The following REXO1 variants were observed in gnomAD, a reference collection of about 807,000 sequenced individuals.
The protein encoded by REXO1 is RNA exonuclease 1 homolog, also known as REX1, RNA exonuclease 1 homolog.
Under a neutral mutation model 102.6 loss-of-function variants are expected in REXO1, and 42 were observed. The observed-to-expected ratio is 0.41, with a 90% confidence interval of 0.32 to 0.53. The LOEUF (loss-of-function observed/expected upper bound fraction) is 0.53, where lower values mean the gene tolerates loss of function less well. REXO1 is among the 20% of genes least tolerant of loss of function. The pLI, the probability that REXO1 is intolerant of heterozygous loss-of-function variation, is 0.27. For synonymous variants in REXO1, 908 were observed against 779.1 expected, an observed-to-expected ratio of 1.17 and a Z score of -2.76; for missense variants, 1,819 against 1,732.5, an observed-to-expected ratio of 1.05 and a Z score of -0.89.
chr19:1,818,135 A>G lies in REXO1; in HGVS notation c.3016+347T>C, dbSNP rs78002934. ...TGCGTGGTTGCCTGGGGGATTGAAT[A>G]GAACCACCAGGCCAAGGGTGGGACA... On this transcript the variant is annotated intron_variant, in intron 10 of 15. Coordinates refer to ENST00000170168, the MANE Select transcript of REXO1 (RefSeq NM_020695.4). Among the ~76,000 whole-genome samples the G allele has an allele frequency of 4.2e-3, 645 of 152,300 alleles. 4 individuals carry two copies. Among genetic ancestry groups the G allele is most frequent in the African/African-American group, 0.015 (614 of 41,566 alleles).
At chr19:1,841,190 G>A (rs956408123) in intron 1 of REXO1, among the ~76,000 whole-genome samples, 14 of 65,806 alleles carry the variant, frequency 2.1e-4, no homozygotes, top group African/African-American at 8.5e-4. Context: ...GGATTGCCCT[G>A]ACAGTCTCCC....
intron 1 of REXO1, among the ~76,000 whole-genome samples, chr19:1,846,382 G>A (rs1362779214): frequency 6.6e-6 from 1 of 152,170 alleles, no homozygotes; most frequent in Non-Finnish European, 1.5e-5. Flanking sequence ...CTACCAGACA[G>A]TAACAAGAAG....
intron 1 of REXO1, among the ~76,000 whole-genome samples, chr19:1,844,446 G>A (rs545259923): frequency 6.6e-6 from 1 of 152,340 alleles, no homozygotes; most frequent in East Asian, 1.9e-4. Flanking sequence ...GACTCTGCTA[G>A]AAGGCTCAGG....
chr19:1,844,488 G>A (rs1412724592), intron 1 of REXO1, among the ~76,000 whole-genome samples: 3 of 152,186 alleles, frequency 2.0e-5, no homozygotes, highest in African/African-American at 7.2e-5. Context: ...TGGGCTTCAG[G>A]AGATATTGGG....
rs1322037720 is a variant in REXO1 at position 1,826,428 on chromosome 19, G to T, written c.1911+450C>A. On this transcript the variant is annotated intron_variant, in intron 2 of 15. Transcript: ENST00000170168. The surrounding 1 kb of genome is among the most constrained non-coding windows in gnomAD (Gnocchi z 4.3). ...AGAAAGGAGCCGGAGGGGATGAGGA[G>T]GAGGCAAGGAGAGGAGACAGAGGAG... is the stretch of plus-strand genomic sequence containing the variant. Among the ~76,000 whole-genome samples, 1 of 150,452 alleles carries T rather than the reference G, an allele frequency of 6.6e-6. No individual in the cohort carries two copies. Among genetic ancestry groups the T allele is most frequent in the African/African-American group, 2.5e-5 (1 of 40,266 alleles).
Position 1,816,278 on chromosome 19 carries a change from C to A in REXO1, c.3524G>T (p.Arg1175Leu). 6.3e-7 allele frequency: 1 copy of A among 1,588,302 alleles called. No homozygotes were observed. Reference protein sequence around the residue: ...FPHRLGLPYKRSLRNLMADYL... With the variant: ...FPHRLGLPYKLSLRNLMADYL... ...GTCGGCCATGAGGTTCCGCAGGGAC[C>A]GCTTGTAGGGGAGGCCCAGGCGGTG... Residue 1175 changes from arginine (R) to leucine (L), a missense_variant, in exon 15 of 16, where the codon CGG (arginine) becomes CTG (leucine). Arg to Leu is a moderately radical substitution (Grantham distance 102, BLOSUM62 -2). Transcript: ENST00000170168.
At chr19:1,825,062 TC>T (rs1193116532) in intron 3 of REXO1, among the ~76,000 whole-genome samples, 1 of 143,392 alleles carries the variant, frequency 7.0e-6, no homozygotes, top group Non-Finnish European at 1.5e-5. Flanking sequence ...ATGCTTGTAA[TC>T]CCAGCATTTT....
rs2069332327 is a variant in REXO1 at position 1,815,437 on chromosome 19, G to A, written c.*629C>T. ...GTTCTCAGAGGTCACGGAGTGCAGG[G>A]GTGGGGCGGCGAGTGGTGGAAGCCG... On this transcript the variant is annotated 3_prime_UTR_variant, in exon 16 of 16. Coordinates refer to ENST00000170168, the MANE Select transcript of REXO1 (RefSeq NM_020695.4). The surrounding 1 kb of genome is among the most constrained non-coding windows in gnomAD (Gnocchi z 4.0). 1 of 179,360 alleles carries A rather than the reference G, an allele frequency of 5.6e-6. No homozygotes were observed. Among genetic ancestry groups the A allele is most frequent in the Non-Finnish European group, 1.2e-5 (1 of 84,482 alleles). 11.1% of individuals were successfully genotyped at this position (179,360 alleles called of 1,614,324 possible). A position where few individuals can be genotyped will look rare whatever the true frequency, so the allele number is the denominator to read the frequency against.
chr19:1,828,891 A>C (rs2145288699), intron 1 of REXO1, among the ~76,000 whole-genome samples: 1 of 152,226 alleles, frequency 6.6e-6, no homozygotes, highest in Admixed American at 6.5e-5. Context: ...CTCCCTGGGT[A>C]CTGGAGGCTC....
chr19:1,824,794 T>TTATC (rs56144426), intron 3 of REXO1, among the ~76,000 whole-genome samples: 113,833 of 151,374 alleles, frequency 0.75, 42,967 homozygotes, highest in Middle Eastern at 0.82. Flanking sequence ...TTTTATGTAT[T>TTATC]TATCTTTTTG....
In REXO1 at chr19:1,820,277, T is replaced by G. The variant is rs1271584023; in HGVS notation, c.2513A>C (p.Glu838Ala). ...ECLKFCTSNQ[E>A]AIEKALNEEK... is the part of the protein sequence containing the mutation. ...CCAGGACCTCACCTTCTCTATGGCC[T>G]CCTGGTTGGAGGTACAGAACTTGAG... Residue 838 changes from glutamate to alanine, a missense_variant, in exon 6 of 16, where the codon GAG becomes GCG. Transcript: ENST00000170168. 6.2e-7 allele frequency: 1 copy of G among 1,613,256 alleles called. No homozygotes were observed. Among genetic ancestry groups the G allele is most frequent in the Non-Finnish European group, 8.5e-7 (1 of 1,179,692 alleles).
intron 1 of REXO1, among the ~76,000 whole-genome samples, chr19:1,835,799 G>A (rs1168219705): frequency 6.6e-6 from 1 of 152,168 alleles, no homozygotes; most frequent in Admixed American, 6.5e-5. Context: ...AGGACTGGGA[G>A]GTACCACCCA....
At chr19:1,837,601 C>T (rs963342497) in intron 1 of REXO1, among the ~76,000 whole-genome samples, 9 of 152,230 alleles carry the variant, frequency 5.9e-5, no homozygotes, top group Admixed American at 5.2e-4. Flanking sequence ...ACCCCCCACA[C>T]CAGACTCCAC....
chr19:1,817,037 G>A (rs2069386960), intron 12 of REXO1, 182 bp downstream of exon 12: 2 of 807,876 alleles, frequency 2.5e-6, no homozygotes, highest in Non-Finnish European at 3.8e-6. Context: ...TGCCCGGTGT[G>A]CTTGGCTCTG....
Position 1,818,685 on chromosome 19 carries a change from C to G in REXO1, c.2902+21G>C, listed in dbSNP as rs779168417. The G allele has an allele frequency of 3.1e-6, 5 of 1,609,960 alleles. No homozygotes were observed. In the African/African-American group the frequency reaches 5.3e-5, roughly 17 times the overall value. ...ACATCCCGCACCTGCCCACCTAGGCCGTCGCAGGCCAGCGACTCACAGTCC... is the reference window on the plus strand; with the variant it reads ...ACATCCCGCACCTGCCCACCTAGGCGGTCGCAGGCCAGCGACTCACAGTCC... On this transcript the variant is annotated intron_variant, in intron 9 of 15. Coordinates refer to ENST00000170168, the MANE Select transcript of REXO1 (RefSeq NM_020695.4).
At chr19:1,845,698 G>A (rs2145342428) in intron 1 of REXO1, among the ~76,000 whole-genome samples, 1 of 152,292 alleles carries the variant, frequency 6.6e-6, no homozygotes, top group East Asian at 1.9e-4. Context: ...GGCTGAGCAG[G>A]TCCAGGGATA....
chr19:1,823,445 G>A (rs1171107945), intron 4 of REXO1, 127 bp downstream of exon 4: 3 of 605,510 alleles, frequency 5.0e-6, no homozygotes, highest in Non-Finnish European at 7.3e-6. Flanking sequence ...GCCCCAGGGA[G>A]GGGGCCCAAA....
rs758093135 is a variant in REXO1 at position 1,826,842 on chromosome 19, C to G, written c.1911+36G>C. 1 of 1,549,830 alleles carries G rather than the reference C, an allele frequency of 6.5e-7. No homozygotes were observed. Among genetic ancestry groups the G allele is most frequent in the Non-Finnish European group, 8.7e-7 (1 of 1,148,760 alleles). On this transcript the variant is annotated intron_variant, in intron 2 of 15. Transcript: ENST00000170168. This position sits in a 1 kb window ranked among gnomAD's most constrained non-coding sequence, Gnocchi z 4.3. ...TCTCACCAGGCCCTCGGCTCTGCCT[C>G]TGCCCGAGCCCAGCCCCAGCACCCG...
intron 4 of REXO1, chr19:1,822,108 G>A (rs146846786): frequency 4.8e-6 from 2 of 417,434 alleles, no homozygotes; most frequent in South Asian, 6.9e-5. Context: ...ACAAACCAGA[G>A]GGAGGAGGCC....
Sources: allele counts gnomAD v4.1 joint callset (sites outside exome capture counted in the v4.1 genomes callset), GRCh38; gene constraint gnomAD v4.1.1; non-coding constraint Gnocchi (gnomAD v3.1); transcripts MANE v1.5; gene names NCBI Gene and HGNC (gene_info 2026-07-23, HGNC 2026-07-21).